Variants in CDC14A observed in about 807,000 individuals in gnomAD.
CDC14A encodes the protein cell division cycle 14A, also known as dual specificity protein phosphatase CDC14A.
In CDC14A, 53 loss-of-function variants were observed where a neutral mutation model predicts 74.4. The ratio of observed to expected loss-of-function variants is 0.71; its 90% confidence interval spans 0.57 to 0.89. The LOEUF is 0.89. Ranked by LOEUF, CDC14A falls within the 40% of genes least tolerant of loss-of-function variation. CDC14A has a pLI of 0.00. For synonymous variants in CDC14A, 247 were observed against 258.4 expected (o/e 0.96, Z 0.43); for missense variants, 646 against 713.7 (o/e 0.91, Z 1.08).
Position 100,468,096 on chromosome 1 carries a change from T to C in CDC14A, c.977+2T>C. On this transcript the variant is annotated splice_donor_variant, in intron 10 of 15. Coordinates refer to ENST00000336454, the MANE Select transcript of CDC14A (RefSeq NM_003672.4). LOFTEE classifies it high-confidence loss of function. ...ACCCCAGCAGCACTTCCTGGAAGAG[T>C]AAGTATATTGTCCCCATTACCACAT... 6.2e-7 allele frequency: 1 copy of C among 1,613,562 alleles called. No individual in the cohort carries two copies. The highest frequency in any genetic ancestry group is 8.5e-7 in the Non-Finnish European group (1 of 1,179,840).
rs1571346661 is a variant in CDC14A at position 100,498,307 on chromosome 1, G to T, written c.1421+100G>T. The T allele has an allele frequency of 2.3e-6, 3 of 1,305,254 alleles. No homozygotes were observed. The East Asian group carries it at 6.9e-5, about 30-fold the overall frequency. The allele number at this position is 1,305,254 out of a possible 1,614,324, so 80.9% of individuals were successfully genotyped here. On this transcript the variant is annotated intron_variant, in intron 14 of 15. Transcript: ENST00000336454. ...CAGTTTTGTCAGAGGAGGGGACAAGGGAGAAGAGGAGAAACCACGGAAGAC... is the reference window on the plus strand; with the variant it reads ...CAGTTTTGTCAGAGGAGGGGACAAGTGAGAAGAGGAGAAACCACGGAAGAC...
chr1:100,442,309 G>GTATATATAAATATACTATATTATGTAT (rs1399723339), intron 6 of CDC14A, among the ~76,000 whole-genome samples: 1 of 145,202 alleles, frequency 6.9e-6, no homozygotes, highest in African/African-American at 2.5e-5. Context: ...ATTATGTATT[G>GTATATATAAATATACTATATTATGTAT]TATATATAAA....
chr1:100,498,833 C>T (rs1410645382), intron 14 of CDC14A, 96 bp from the exon 15 acceptor site: 2 of 1,451,806 alleles, frequency 1.4e-6, no homozygotes, highest in Non-Finnish European at 1.8e-6. Context: ...CATCATGTTC[C>T]CCTAATGTCA....
chr1:100,516,595 T>C (rs1178280389), intron 15 of CDC14A, among the ~76,000 whole-genome samples: 1 of 152,122 alleles, frequency 6.6e-6, no homozygotes, highest in Non-Finnish European at 1.5e-5. Flanking sequence ...TGTGGCATTC[T>C]TATAGCTGGG....
At chr1:100,401,329 G>A (rs924770905) in intron 4 of CDC14A, among the ~76,000 whole-genome samples, 1 of 152,162 alleles carries the variant, frequency 6.6e-6, no homozygotes, top group African/African-American at 2.4e-5. Context: ...ATAAGTGTTT[G>A]TGAAATGAAT....
intron 5 of CDC14A, among the ~76,000 whole-genome samples, chr1:100,433,752 G>A (rs1663997518): frequency 6.6e-6 from 1 of 151,940 alleles, no homozygotes. Flanking sequence ...TATTTATAAG[G>A]TTGCTTCATT....
At chr1:100,452,502 C>T (rs1666247432) in intron 7 of CDC14A, among the ~76,000 whole-genome samples, 1 of 152,120 alleles carries the variant, frequency 6.6e-6, no homozygotes, top group African/African-American at 2.4e-5. Flanking sequence ...CAGAATGCAA[C>T]TCCATCTCCA....
At chr1:100,479,419 CTT>C (rs1391228393) in intron 10 of CDC14A, among the ~76,000 whole-genome samples, 1 of 152,148 alleles carries the variant, frequency 6.6e-6, no homozygotes, top group African/African-American at 2.4e-5. Context: ...TTTAATCTCT[CTT>C]GTCCCCGACC....
chr1:100,466,883 A>AT (rs1247799818), intron 9 of CDC14A, among the ~76,000 whole-genome samples: 3 of 151,048 alleles, frequency 2.0e-5, no homozygotes, highest in African/African-American at 7.4e-5. Flanking sequence ...AAAAAAAAAA[A>AT]AAAAAAAGAA....
chr1:100,440,121 T>A (rs1477558976), intron 6 of CDC14A, 123 bp downstream of exon 6: 15 of 690,820 alleles, frequency 2.2e-5, no homozygotes, highest in Middle Eastern at 2.6e-4. Flanking sequence ...TAGAAGGCTT[T>A]TCACTTCTTG....
intron 6 of CDC14A, 127 bp downstream of exon 6, chr1:100,440,125 C>T (rs1664765222): frequency 7.5e-6 from 5 of 669,212 alleles, no homozygotes; most frequent in Non-Finnish European, 1.0e-5. Context: ...AGGCTTTTCA[C>T]TTCTTGAAGG....
intron 5 of CDC14A, among the ~76,000 whole-genome samples, chr1:100,427,559 A>G (rs1044548092): frequency 1.3e-5 from 2 of 152,124 alleles, no homozygotes. Context: ...ATTACATTTT[A>G]TGTATTACAA....
chr1:100,439,952 G>T lies in CDC14A; in HGVS notation c.410G>T (p.Cys137Phe). The T allele has an allele frequency of 6.2e-7, 1 of 1,612,826 alleles. No individual in the cohort carries two copies. The highest frequency in any genetic ancestry group is 2.2e-5 in the East Asian group (1 of 44,846). Residue 137 changes from cysteine (C) to phenylalanine (F), a missense_variant, in exon 6 of 16, where the codon TGC (cysteine) becomes TTC (phenylalanine). By Grantham distance (205) the Cys-to-Phe change is radical. Coordinates refer to ENST00000336454, the MANE Select transcript of CDC14A (RefSeq NM_003672.4). ...TATAGGGATGCTTCCTTTGGAAATT[G>T]CACTTACAATCTCACCATTCTCGAC... Reference protein sequence around the residue: ...LPFRDASFGNCTYNLTILDCL... With the variant: ...LPFRDASFGNFTYNLTILDCL...
intron 11 of CDC14A, among the ~76,000 whole-genome samples, chr1:100,493,915 A>G (rs377337198): frequency 6.6e-6 from 1 of 152,194 alleles, no homozygotes; most frequent in South Asian, 2.1e-4. Context: ...CAAGAGTTCT[A>G]GTTTTAAATA....
At chr1:100,351,705 G>C (rs574201353), upstream of CDC14A, 14 of 1,534,464 alleles carry the variant, frequency 9.1e-6, no homozygotes, top group East Asian at 3.2e-4. Flanking sequence ...AGGCATCTGT[G>C]ATGCTTTTGC....
rs1307731457 is a variant in CDC14A, at chr1:100,353,782, T to A, written c.70T>A (p.Leu24Ile). 6.2e-7 allele frequency: 1 copy of A among 1,602,530 alleles called. No homozygotes were observed. Among genetic ancestry groups the A allele is most frequent in the Non-Finnish European group, 8.5e-7 (1 of 1,170,922 alleles). ...TTCAGATCGGTTATATTTTGCTACT[T>A]TAAGGAATAGACCAAAAAGCACAGT... ...FMKDRLYFAT[L>I]RNRPKSTVNT... is the part of the protein sequence containing the mutation. The change falls in exon 2 of 16, where the codon TTA (leucine) becomes ATA (isoleucine). Residue 24 changes from leucine to isoleucine, a missense_variant. Physicochemically the swap from Leu to Ile is conservative, Grantham distance 5. Coordinates refer to ENST00000336454, the MANE Select transcript of CDC14A (RefSeq NM_003672.4).
intron 7 of CDC14A, among the ~76,000 whole-genome samples, chr1:100,453,878 G>A (rs1298729591): frequency 6.6e-6 from 1 of 152,218 alleles, no homozygotes; most frequent in Non-Finnish European, 1.5e-5. Context: ...CTGAGCTCAG[G>A]TGATTCACCT....
intron 8 of CDC14A, among the ~76,000 whole-genome samples, chr1:100,458,897 A>G (rs537902682): frequency 6.6e-6 from 1 of 152,270 alleles, no homozygotes; most frequent in South Asian, 2.1e-4. Context: ...AGGGAACACT[A>G]GGAGTTTCTT....
intron 3 of CDC14A, among the ~76,000 whole-genome samples, chr1:100,382,746 G>C (rs531711856): frequency 8.5e-5 from 13 of 152,304 alleles, no homozygotes; most frequent in African/African-American, 2.9e-4. Flanking sequence ...TCACAGAAAT[G>C]TAATTTTAAA....
Sources: gnomAD v4.1 joint callset for allele counts (sites outside exome capture counted in the v4.1 genomes callset) on GRCh38, gnomAD v4.1.1 for gene constraint, MANE v1.5 for transcripts, NCBI Gene and HGNC (gene_info 2026-07-23, HGNC 2026-07-21) for gene names.